DLC1: variants seen among roughly 807,000 people sequenced by gnomAD.
DLC1 encodes the protein DLC1 Rho GTPase activating protein.
A neutral mutation model predicts 140.3 loss-of-function variants in DLC1; 54 were observed. The observed-to-expected ratio is 0.38, with a 90% CI of 0.31 to 0.48. The LOEUF (loss-of-function observed/expected upper bound fraction) is 0.48. Ranked by LOEUF, DLC1 falls within the 20% of genes least tolerant of loss-of-function variation. The pLI, the probability that DLC1 is intolerant of heterozygous loss-of-function variation, is 0.96. For synonymous variants in DLC1, 986 were observed against 728.1 expected, an observed-to-expected ratio of 1.35 and a Z score of -5.70; for missense variants, 2,536 against 1,907.0, an observed-to-expected ratio of 1.33 and a Z score of -6.14.
chr8:13,182,649 C>T (rs1179643554), intron 5 of DLC1, among the ~76,000 whole-genome samples: 1 of 151,646 alleles, frequency 6.6e-6, no homozygotes, highest in Non-Finnish European at 1.5e-5. Context: ...GGTGTTATTT[C>T]TGAGGCCTCT....
rs1318655493 is a variant in DLC1 at position 13,305,036 on chromosome 8, G to A, written c.1348+233C>T. 7.8e-6 allele frequency: 9 copies of A among 1,147,954 alleles called. No homozygotes were observed. In the South Asian group the frequency reaches 2.0e-4, roughly 26 times the overall value. The allele number at this position is 1,147,954 out of a possible 1,614,324, so 71.1% of individuals were successfully genotyped here. Reference sequence around the variant, plus strand: ...AAAAAATTGTGGTTGCAGTTACAAGGAAGACCCCAAGAAACACATATCTTA... The same window carrying A: ...AAAAAATTGTGGTTGCAGTTACAAGAAAGACCCCAAGAAACACATATCTTA... On this transcript the variant is annotated intron_variant, in intron 5 of 17. Coordinates refer to ENST00000276297, the MANE Select transcript of DLC1 (RefSeq NM_182643.3).
Position 13,401,535 on chromosome 8 carries a change from C to A in DLC1, c.1108G>T (p.Glu370Ter). 2 of 1,613,404 alleles carry A rather than the reference C, an allele frequency of 1.2e-6. No individual in the cohort carries two copies. Among genetic ancestry groups the A allele is most frequent in the Non-Finnish European group, 1.7e-6 (2 of 1,180,008 alleles). The part of the protein sequence containing the change: ...MKLDQLDQDI[E>*]NALSTSSSPS... ...GAGGAGCTGGTGCTGAGGGCATTTT[C>A]TATGTCCTGATCAAGCTGGTCCAGT... The change falls in exon 3 of 18, where the codon GAA becomes TAA. Residue 370 changes from glutamate to a stop codon, truncating the protein, a stop_gained. Coordinates refer to ENST00000276297, the MANE Select transcript of DLC1 (RefSeq NM_182643.3). LOFTEE classifies it high-confidence loss of function.
At chr8:13,454,336 G>A (rs289551) in intron 2 of DLC1, among the ~76,000 whole-genome samples, 76,385 of 151,130 alleles carry the variant, frequency 0.51, 19,877 homozygotes, top group African/African-American at 0.63. Context: ...TCTCTTAGGG[G>A]AAAAAAAAAG....
At chr8:13,189,708 C>T (rs992214877) in intron 5 of DLC1, among the ~76,000 whole-genome samples, 1 of 152,026 alleles carries the variant, frequency 6.6e-6, no homozygotes, top group Non-Finnish European at 1.5e-5. Flanking sequence ...CATGGAGAAA[C>T]CTCATCTCTA....
intron 4 of DLC1, among the ~76,000 whole-genome samples, chr8:13,382,811 C>A (rs1386560672): frequency 6.6e-6 from 1 of 152,026 alleles, no homozygotes; most frequent in Admixed American, 6.6e-5. Context: ...TTCACAGATC[C>A]CATACATTAA....
intron 5 of DLC1, among the ~76,000 whole-genome samples, chr8:13,288,191 C>A (rs1465322825): frequency 1.3e-5 from 2 of 152,124 alleles, no homozygotes. Context: ...ATAGTGATCA[C>A]AGTTGTTATC....
intron 1 of DLC1, among the ~76,000 whole-genome samples, chr8:13,512,143 A>G (rs144964264): frequency 0.012 from 1,831 of 152,242 alleles, 21 homozygotes; most frequent in Non-Finnish European, 0.015. Context: ...TCTCATTCCA[A>G]TAATGTAGAG....
At chr8:13,092,576 C>T (rs1306183546) in intron 13 of DLC1, 36 bp downstream of exon 13, 13 of 1,566,460 alleles carry the variant, frequency 8.3e-6, no homozygotes, top group African/African-American at 4.1e-5. Context: ...ATGTAGGCTG[C>T]CCCCTGTGTG....
intron 5 of DLC1, chr8:13,133,156 T>G: frequency 6.9e-7 from 1 of 1,443,830 alleles, no homozygotes; most frequent in Non-Finnish European, 9.1e-7. Context: ...AAGCGGGGTT[T>G]TCTAAAGATC....
At chr8:13,369,658 C>A (rs182483426) in intron 4 of DLC1, among the ~76,000 whole-genome samples, 2 of 152,032 alleles carry the variant, frequency 1.3e-5, no homozygotes, top group Non-Finnish European at 2.9e-5. Context: ...AAAAATACAT[C>A]TAGAATAAGA....
At chr8:13,394,120 G>A (rs762364609) in intron 3 of DLC1, among the ~76,000 whole-genome samples, 2 of 152,184 alleles carry the variant, frequency 1.3e-5, no homozygotes, top group Non-Finnish European at 2.9e-5. Flanking sequence ...AATACAAAGA[G>A]AGTTCTCATT....
rs1295322411 is a variant in DLC1 at position 13,094,956 on chromosome 8, A to G, written c.3329T>C (p.Val1110Ala). 4 of 1,614,172 alleles carry G rather than the reference A, an allele frequency of 2.5e-6. No homozygotes were observed. The highest frequency in any genetic ancestry group is 1.7e-5 in the Admixed American group (1 of 60,016). Residue 1110 changes from valine (V) to alanine (A), a missense_variant and splice_region_variant, in exon 12 of 18, where the codon GTT becomes GCT. Transcript: ENST00000276297. ...RYLRNHCLDQ[V>A]GLFRKSGVKS... The stretch of plus-strand genomic sequence containing the variant: ...GACCCCCGATTTTCTGAAGAGCCCA[A>G]CCTGTCGGAAGAGCAACACTAAGTG...
At chr8:13,212,213 A>G (rs1827981526) in intron 5 of DLC1, among the ~76,000 whole-genome samples, 1 of 152,196 alleles carries the variant, frequency 6.6e-6, no homozygotes. Flanking sequence ...CTTTTTAAAA[A>G]TATCAGGATG....
chr8:13,289,908 T>A lies in DLC1; in HGVS notation c.1348+15361A>T, dbSNP rs1831692456. ...AGGTTGTTGTCCTTGGGAGACAGGA[T>A]AATGAGTAGGTTGGCTAATGGCAAA... is the stretch of plus-strand genomic sequence containing the variant. On this transcript the variant is annotated intron_variant, in intron 5 of 17. Coordinates refer to ENST00000276297, the MANE Select transcript of DLC1 (RefSeq NM_182643.3). Among the ~76,000 whole-genome samples the A allele has an allele frequency of 1.3e-5, 2 of 152,196 alleles. 1 individual carries two copies. Among genetic ancestry groups the A allele is most frequent in the South Asian group, 4.1e-4 (2 of 4,828 alleles).
chr8:13,201,661 C>T (rs925972567), intron 5 of DLC1, among the ~76,000 whole-genome samples: 4 of 151,856 alleles, frequency 2.6e-5, no homozygotes, highest in Non-Finnish European at 4.4e-5. Context: ...TTTTTGGAGT[C>T]TCCAAAATCT....
intron 5 of DLC1, among the ~76,000 whole-genome samples, chr8:13,250,069 G>A (rs988622139): frequency 6.6e-6 from 1 of 152,156 alleles, no homozygotes; most frequent in Non-Finnish European, 1.5e-5. Context: ...ACCCTTCAGG[G>A]CGTGGAATGG....
Position 13,265,882 on chromosome 8 carries a change from ATGT to A in DLC1, c.1348+39384_1348+39386del, listed in dbSNP as rs1437377344. On this transcript the variant is annotated intron_variant, in intron 5 of 17. Coordinates refer to ENST00000276297, the MANE Select transcript of DLC1 (RefSeq NM_182643.3). ...TATGCACAGGGTGGTTGGTCACAGA[ATGT>A]TGTTATTGTCTAAAATAGTGCAAAG... 7.2e-5 allele frequency among the ~76,000 whole-genome samples: 11 copies of A among 152,130 alleles called. 1 individual carries two copies. The highest frequency in any genetic ancestry group is 2.7e-4 in the African/African-American group (11 of 41,414).
At chr8:13,537,649 T>G (rs1317292744) in intron 1 of DLC1, among the ~76,000 whole-genome samples, 1 of 37,124 alleles carries the variant, frequency 2.7e-5, no homozygotes, top group South Asian at 1.2e-3. Context: ...CAGCTAACTC[T>G]TTTTTTTTTT....
intron 4 of DLC1, among the ~76,000 whole-genome samples, chr8:13,386,669 T>G (rs1836531738): frequency 6.6e-6 from 1 of 152,092 alleles, no homozygotes; most frequent in African/African-American, 2.4e-5. Flanking sequence ...AGTCCAAAAT[T>G]AATGAATTGC....
Sources: gnomAD v4.1 joint callset for allele counts (sites outside exome capture counted in the v4.1 genomes callset) on GRCh38, gnomAD v4.1.1 for gene constraint, MANE v1.5 for transcripts, NCBI Gene and HGNC (gene_info 2026-07-23, HGNC 2026-07-21) for gene names.